CCDC178: variants seen among roughly 807,000 people sequenced by gnomAD.
The protein encoded by CCDC178 is coiled-coil domain-containing protein 178.
CCDC178 carries 126 observed loss-of-function variants against 117.4 expected under a neutral mutation model. The ratio of observed to expected loss-of-function variants is 1.07; its 90% confidence interval spans 0.93 to 1.24. The LOEUF (loss-of-function observed/expected upper bound fraction) is 1.24. Among genes scored for constraint, CCDC178 ranks in the 50% most tolerant of loss-of-function variants. The pLI is 0.00. For synonymous variants in CCDC178, 283 were observed against 313.4 expected, an observed-to-expected ratio of 0.90 and a Z score of 1.02; for missense variants, 1,030 against 986.9, an observed-to-expected ratio of 1.04 and a Z score of -0.59.
At chr18:33,275,278 A>G (rs1461449280) in intron 12 of CCDC178, among the ~76,000 whole-genome samples, 1 of 151,958 alleles carries the variant, frequency 6.6e-6, no homozygotes, top group Non-Finnish European at 1.5e-5. Flanking sequence ...ATATGTATAC[A>G]TATGTTTTAG....
intron 5 of CCDC178, among the ~76,000 whole-genome samples, chr18:33,382,677 C>T (rs2063450887): frequency 6.6e-6 from 1 of 152,008 alleles, no homozygotes; most frequent in Non-Finnish European, 1.5e-5. Context: ...TTTTTGCAAT[C>T]CACAGATGAG....
intron 14 of CCDC178, among the ~76,000 whole-genome samples, chr18:33,248,001 A>G (rs887804668): frequency 1.3e-5 from 2 of 151,878 alleles, no homozygotes; most frequent in Admixed American, 6.6e-5. Flanking sequence ...ATAGGACCAC[A>G]GACCAGATAA....
chr18:33,115,863 G>C (rs2057850386), intron 20 of CCDC178, among the ~76,000 whole-genome samples: 1 of 151,876 alleles, frequency 6.6e-6, no homozygotes, highest in Admixed American at 6.6e-5. Flanking sequence ...TAGGATAAGT[G>C]CATTTCAAGT....
chr18:33,303,710 A>C (rs944764077), intron 11 of CCDC178, among the ~76,000 whole-genome samples: 1 of 152,162 alleles, frequency 6.6e-6, no homozygotes, highest in Non-Finnish European at 1.5e-5. Flanking sequence ...AAAAATCTAA[A>C]AGAAGATAGT....
At chr18:33,273,053 A>T (rs982906337) in intron 12 of CCDC178, among the ~76,000 whole-genome samples, 3 of 150,854 alleles carry the variant, frequency 2.0e-5, no homozygotes, top group African/African-American at 4.9e-5. Flanking sequence ...AAAAAAAAAT[A>T]AAAATAAAAA....
At chr18:33,181,710 A>T (rs1461988404) in intron 20 of CCDC178, among the ~76,000 whole-genome samples, 2 of 151,876 alleles carry the variant, frequency 1.3e-5, no homozygotes, top group Non-Finnish European at 2.9e-5. Flanking sequence ...CAGTGCCCAT[A>T]CATTAATATA....
chr18:33,263,875 C>T (rs1178641946), intron 14 of CCDC178, among the ~76,000 whole-genome samples: 1 of 151,520 alleles, frequency 6.6e-6, no homozygotes. Flanking sequence ...AGATTTTCTA[C>T]AAATAGTGTT....
chr18:33,223,254 T>C (rs1427972489), intron 17 of CCDC178, 35 bp from the exon 18 acceptor site: 2 of 1,552,084 alleles, frequency 1.3e-6, no homozygotes, highest in African/African-American at 2.8e-5. Flanking sequence ...TGTGCAGCAT[T>C]TGCAACCCAG....
intron 20 of CCDC178, among the ~76,000 whole-genome samples, chr18:33,110,395 TAA>T (rs2057765065): frequency 6.6e-6 from 1 of 151,624 alleles, no homozygotes; most frequent in Non-Finnish European, 1.5e-5. Flanking sequence ...TCTCAATTTT[TAA>T]AAGAGTACAG....
chr18:33,313,301 C>T (rs1300863282), intron 11 of CCDC178, among the ~76,000 whole-genome samples: 3 of 152,336 alleles, frequency 2.0e-5, no homozygotes, highest in African/African-American at 7.2e-5. Flanking sequence ...AAGCAGTTCA[C>T]TGCCATGGCC....
chr18:32,970,838 G>T (rs977632045), intron 22 of CCDC178, among the ~76,000 whole-genome samples: 56 of 152,098 alleles, frequency 3.7e-4, no homozygotes, highest in African/African-American at 1.3e-3. Flanking sequence ...TGTAGGAGTG[G>T]TTAGCTGCTG....
At chr18:33,206,501 G>A (rs896033464) in intron 20 of CCDC178, among the ~76,000 whole-genome samples, 1 of 151,920 alleles carries the variant, frequency 6.6e-6, no homozygotes, top group South Asian at 2.1e-4. Context: ...AAAGGCTAAT[G>A]CACAAGAAAA....
chr18:32,987,812 A>G (rs2055294144), intron 21 of CCDC178, among the ~76,000 whole-genome samples: 1 of 152,138 alleles, frequency 6.6e-6, no homozygotes, highest in Non-Finnish European at 1.5e-5. Context: ...AAAATAATAC[A>G]TTTGGCTGGG....
rs1317325932 is a variant in CCDC178, at chr18:33,333,098, T to C, written c.879+76A>G. On this transcript the variant is annotated intron_variant, in intron 10 of 22. Transcript: ENST00000383096. ...AAAAAAAAAAACCTTTAAAGCTGTG[T>C]TAATTTCTTATGGTTGAAAAGTTTT... 7 of 830,886 alleles carry C rather than the reference T, an allele frequency of 8.4e-6. No individual in the cohort carries two copies. The South Asian group carries it at 8.8e-5, about 11-fold the overall frequency. 51.5% of individuals were successfully genotyped at this position (830,886 alleles called of 1,614,324 possible).
intron 21 of CCDC178, among the ~76,000 whole-genome samples, chr18:33,054,641 T>C (rs1423560985): frequency 6.6e-6 from 1 of 152,266 alleles, no homozygotes; most frequent in Non-Finnish European, 1.5e-5. Flanking sequence ...ATGGTATATA[T>C]GTACCACATT....
At chr18:33,133,390 T>A (rs2058089112) in intron 20 of CCDC178, among the ~76,000 whole-genome samples, 1 of 151,878 alleles carries the variant, frequency 6.6e-6, no homozygotes, top group Non-Finnish European at 1.5e-5. Flanking sequence ...TACATAAATT[T>A]GATCATGCCT....
At chr18:33,157,252 A>T (rs892968493) in intron 20 of CCDC178, among the ~76,000 whole-genome samples, 4 of 152,100 alleles carry the variant, frequency 2.6e-5, no homozygotes, top group Admixed American at 6.5e-5. Context: ...TCTGCCTTTG[A>T]CTTTCCAGTC....
rs1020882348 is a variant in CCDC178, at chr18:33,440,231, G to C, written c.-142-150C>G. 2.0e-5 allele frequency: 3 copies of C among 148,274 alleles called. No individual in the cohort carries two copies. The Admixed American group carries it at 2.1e-4, about 10-fold the overall frequency. 9.2% of individuals were successfully genotyped at this position (148,274 alleles called of 1,614,324 possible). ...CTAGAGACGCAGTTACAGACAAGAC[G>C]AAGTTCCTCTAGGCGGCCAGCGGAG... On this transcript the variant is annotated intron_variant, in intron 1 of 22. Transcript: ENST00000383096.
chr18:33,142,769 T>A (rs915849071), intron 20 of CCDC178, among the ~76,000 whole-genome samples: 1 of 152,118 alleles, frequency 6.6e-6, no homozygotes, highest in Non-Finnish European at 1.5e-5. Context: ...TGCAAACATA[T>A]AAACATCCTA....
Sources: gnomAD v4.1 joint callset for allele counts (sites outside exome capture counted in the v4.1 genomes callset) on GRCh38, gnomAD v4.1.1 for gene constraint, MANE v1.5 for transcripts, NCBI Gene and HGNC (gene_info 2026-07-23, HGNC 2026-07-21) for gene names.